Variants in ALDH1L1 observed in about 807,000 individuals in gnomAD.
ALDH1L1 encodes aldehyde dehydrogenase 1 family member L1.
A neutral mutation model predicts 101.1 loss-of-function variants in ALDH1L1; 68 were observed. The ratio of observed to expected loss-of-function variants is 0.67; its 90% CI spans 0.55 to 0.82. The LOEUF is 0.82. Among genes scored for constraint, ALDH1L1 ranks in the 40% least tolerant of loss-of-function variants. The pLI, the probability that ALDH1L1 is intolerant of heterozygous loss-of-function variation, is 0.00. For missense variants in ALDH1L1, 1,087 were observed against 1,172.7 expected (o/e 0.93, Z 1.07); for synonymous variants, 486 against 470.8 (o/e 1.03, Z -0.42).
upstream of ALDH1L1, chr3:126,180,879 G>A: frequency 6.3e-7 from 1 of 1,579,496 alleles, no homozygotes; most frequent in South Asian, 1.2e-5. Context: ...CGCTGGCAAG[G>A]CTAAGTGGGT....
chr3:126,150,349 C>A lies in ALDH1L1; in HGVS notation c.984+57G>T, dbSNP rs553761648. ...ACTCTGGGGAGTGTGATTTGCAGAA[C>A]ACATGTGCACGGCACAACCTGCCCA... is the stretch of plus-strand genomic sequence containing the variant. On this transcript the variant is annotated intron_variant, in intron 8 of 22. Transcript: ENST00000393434. 5 of 1,534,518 alleles carry A rather than the reference C, an allele frequency of 3.3e-6. No individual in the cohort carries two copies. In the African/African-American group the frequency reaches 4.1e-5, roughly 13 times the overall value.
chr3:126,146,574 T>G (rs2080687599), intron 9 of ALDH1L1, among the ~76,000 whole-genome samples: 1 of 152,090 alleles, frequency 6.6e-6, no homozygotes, highest in Non-Finnish European at 1.5e-5. Context: ...CTGAATCAAC[T>G]CCTCCCAAAT....
intron 16 of ALDH1L1, among the ~76,000 whole-genome samples, chr3:126,118,997 C>T (rs1367063308): frequency 2.0e-5 from 3 of 152,172 alleles, no homozygotes; most frequent in East Asian, 1.9e-4. Context: ...CCAGACTCAG[C>T]GTAGCTCCCC....
At chr3:126,140,581 A>G (rs2080547053) in intron 9 of ALDH1L1, among the ~76,000 whole-genome samples, 1 of 152,100 alleles carries the variant, frequency 6.6e-6, no homozygotes, top group African/African-American at 2.4e-5. Context: ...GCATAAAACA[A>G]TAATTTTAAA....
intron 1 of ALDH1L1, among the ~76,000 whole-genome samples, chr3:126,173,175 T>C (rs529040288): frequency 1.5e-4 from 23 of 151,796 alleles, no homozygotes; most frequent in African/African-American, 5.3e-4. Context: ...TAGAAATAAA[T>C]GTGAAATAAT....
intron 21 of ALDH1L1, among the ~76,000 whole-genome samples, chr3:126,106,936 G>A (rs913253809): frequency 7.9e-5 from 12 of 152,222 alleles, no homozygotes; most frequent in Admixed American, 1.3e-4. Flanking sequence ...TTGCTCACAG[G>A]GGGGACTCAA....
intron 16 of ALDH1L1, among the ~76,000 whole-genome samples, chr3:126,121,249 G>A (rs761060194): frequency 1.8e-4 from 28 of 152,180 alleles, no homozygotes; most frequent in Non-Finnish European, 3.5e-4. Flanking sequence ...ATCCAGACTC[G>A]TAGCCTCCAG....
intron 8 of ALDH1L1, among the ~76,000 whole-genome samples, chr3:126,148,843 T>C (rs2080752582): frequency 6.6e-6 from 1 of 152,148 alleles, no homozygotes; most frequent in African/African-American, 2.4e-5. Context: ...TGGGCCTAAA[T>C]TTAAAACAGA....
At position 126,136,956 on chromosome 3, in the gene ALDH1L1, T is replaced by TCA. The variant is rs574125734; in HGVS notation, c.1225-75_1225-74dup. ...GAAGCATACACAGATGGCCACACAG[T>TCA]CACACACACACACTGCCCAGGGGCC... On this transcript the variant is annotated intron_variant, in intron 10 of 22. Transcript: ENST00000393434. 1,402 of 1,576,204 alleles carry TCA rather than the reference T, an allele frequency of 8.9e-4. 1 individual carries two copies. Among genetic ancestry groups the TCA allele is most frequent in the Non-Finnish European group, 1.1e-3 (1,309 of 1,157,682 alleles).
chr3:126,189,468 G>A (rs1030451909), intron 1 of ALDH1L1, among the ~76,000 whole-genome samples: 6 of 152,272 alleles, frequency 3.9e-5, no homozygotes, highest in African/African-American at 1.2e-4. Context: ...TTGAGAGGCC[G>A]TTTGAGCTGT....
intron 12 of ALDH1L1, 53 bp downstream of exon 12, chr3:126,135,482 C>G: frequency 6.3e-7 from 1 of 1,577,454 alleles, no homozygotes; most frequent in Non-Finnish European, 8.6e-7. Flanking sequence ...CCCCGTGCCA[C>G]TGCCCAGAAG....
Position 126,146,983 on chromosome 3 carries a change from C to T in ALDH1L1, c.985-57G>A, listed in dbSNP as rs2080704498. On this transcript the variant is annotated intron_variant, in intron 8 of 22. Transcript: ENST00000393434. ...CCAGGGGAGCTGGGGACAAGTGCCA[C>T]TCCAGGACAACAACCCCTGAACAGA... 5 of 1,539,166 alleles carry T rather than the reference C, an allele frequency of 3.2e-6. No individual in the cohort carries two copies. In the Admixed American group the frequency reaches 9.0e-5, roughly 28 times the overall value.
intron 11 of ALDH1L1, among the ~76,000 whole-genome samples, chr3:126,136,062 C>T (rs1458049369): frequency 2.0e-5 from 3 of 152,220 alleles, no homozygotes; most frequent in Non-Finnish European, 2.9e-5. Context: ...AAGGCCCCAT[C>T]CTCAGCCCCT....
intron 9 of ALDH1L1, among the ~76,000 whole-genome samples, chr3:126,143,041 T>C (rs1329279206): frequency 3.3e-5 from 5 of 152,224 alleles, no homozygotes; most frequent in Non-Finnish European, 7.3e-5. Context: ...CTAGGCTACC[T>C]TAAATGTTCT....
chr3:126,110,942 A>G (rs1946056651), intron 19 of ALDH1L1, among the ~76,000 whole-genome samples: 1 of 151,846 alleles, frequency 6.6e-6, no homozygotes, highest in Non-Finnish European at 1.5e-5. Flanking sequence ...TATCCCTGGG[A>G]CTCTGGCCCT....
chr3:126,190,474 G>A (rs1300954261), intron 1 of ALDH1L1, among the ~76,000 whole-genome samples: 1 of 152,204 alleles, frequency 6.6e-6, no homozygotes, highest in Non-Finnish European at 1.5e-5. Flanking sequence ...GGGCCTCCAT[G>A]GGTCCACACT....
At chr3:126,190,692 A>C (rs2081548058) in intron 1 of ALDH1L1, among the ~76,000 whole-genome samples, 1 of 152,198 alleles carries the variant, frequency 6.6e-6, no homozygotes, top group African/African-American at 2.4e-5. Flanking sequence ...GTGCAGTTTT[A>C]TAAGTAGGTG....
intron 2 of ALDH1L1, chr3:126,159,273 G>A: frequency 7.8e-6 from 3 of 382,364 alleles, no homozygotes; most frequent in South Asian, 6.0e-5. Context: ...ACAGCCTGCA[G>A]GGCCCCTCCT....
intron 9 of ALDH1L1, 99 bp downstream of exon 9, chr3:126,146,736 T>G: frequency 1.1e-4 from 140 of 1,309,316 alleles, no homozygotes; most frequent in Non-Finnish European, 1.4e-4. Flanking sequence ...ACATGATCCA[T>G]GAGTGTAACA....
Sources: allele counts gnomAD v4.1 joint callset (sites outside exome capture counted in the v4.1 genomes callset), GRCh38; gene constraint gnomAD v4.1.1; transcripts MANE v1.5; gene names NCBI Gene and HGNC (gene_info 2026-07-23, HGNC 2026-07-21).